TMCC1: variants seen among roughly 807,000 people sequenced by gnomAD.
TMCC1 encodes transmembrane and coiled-coil domain family 1, also known as transmembrane and coiled-coil domains protein 1.
In TMCC1, 15 loss-of-function variants were observed where a neutral mutation model predicts 52.4. That is an observed-to-expected ratio of 0.29 (90% CI 0.19 to 0.44). The LOEUF (loss-of-function observed/expected upper bound fraction) is 0.44. Among genes scored for constraint, TMCC1 ranks in the 20% least tolerant of loss-of-function variants. TMCC1 has a pLI of 1.00. For synonymous variants in TMCC1, 279 were observed against 301.9 expected (o/e 0.92, Z 0.79); for missense variants, 503 against 806.0 (o/e 0.62, Z 4.55).
At position 129,665,968 on chromosome 3, in the gene TMCC1, C is replaced by T. The variant is rs556037146; in HGVS notation, c.1511+4362G>A. On this transcript the variant is annotated intron_variant, in intron 5 of 6. Coordinates refer to ENST00000393238, the MANE Select transcript of TMCC1 (RefSeq NM_001017395.5). ...CCTTGTCACCATCATCATCAAATAA[C>T]AAACAGCAACACTGTGCATGGCCTC... Among the ~76,000 whole-genome samples, 34 of 152,282 alleles carry T rather than the reference C, an allele frequency of 2.2e-4. 1 individual carries two copies. Among genetic ancestry groups the T allele is most frequent in the Admixed American group, 2.2e-3 (33 of 15,294 alleles).
intron 4 of TMCC1, among the ~76,000 whole-genome samples, chr3:129,673,846 TCTACA>T (rs1313327628): frequency 1.3e-5 from 2 of 151,454 alleles, no homozygotes; most frequent in Non-Finnish European, 2.9e-5. Context: ...AAAAAAAATC[TCTACA>T]CTAAACTTTC....
At chr3:129,893,201 G>C (rs551401731) in intron 1 of TMCC1, 1 of 152,460 alleles carries the variant, frequency 6.6e-6, no homozygotes, top group East Asian at 1.9e-4. Flanking sequence ...GGGATGCTGG[G>C]AAGGGAACGA....
At chr3:129,718,960 C>T (rs1224744867) in intron 4 of TMCC1, among the ~76,000 whole-genome samples, 1 of 152,226 alleles carries the variant, frequency 6.6e-6, no homozygotes, top group East Asian at 1.9e-4. Flanking sequence ...CACCCCTAAT[C>T]CCCACTTTGA....
At chr3:129,678,770 A>G (rs2088699564) in intron 4 of TMCC1, among the ~76,000 whole-genome samples, 1 of 152,202 alleles carries the variant, frequency 6.6e-6, no homozygotes, top group African/African-American at 2.4e-5. Flanking sequence ...AAGATCACAA[A>G]TTAAAGAAGT....
chr3:129,848,885 C>T (rs2059786180), intron 2 of TMCC1, among the ~76,000 whole-genome samples: 1 of 151,744 alleles, frequency 6.6e-6, no homozygotes, highest in Non-Finnish European at 1.5e-5. Context: ...AAACATTCTG[C>T]TACTATGGCT....
At chr3:129,702,931 G>A (rs1169960900) in intron 4 of TMCC1, among the ~76,000 whole-genome samples, 3 of 152,140 alleles carry the variant, frequency 2.0e-5, no homozygotes, top group African/African-American at 7.2e-5. Context: ...CAGGAGAATC[G>A]CTTGAACCCG....
chr3:129,755,595 C>T (rs1399178898), intron 4 of TMCC1, among the ~76,000 whole-genome samples: 1 of 152,124 alleles, frequency 6.6e-6, no homozygotes, highest in Non-Finnish European at 1.5e-5. Flanking sequence ...GATCTGAAGA[C>T]ACTTCGTCAT....
intron 4 of TMCC1, among the ~76,000 whole-genome samples, chr3:129,777,374 ATCTATTCT>A (rs1422040056): frequency 6.6e-6 from 1 of 152,344 alleles, no homozygotes; most frequent in East Asian, 1.9e-4. Flanking sequence ...GAAAATCCGT[ATCTATTCT>A]GGAGAATACT....
In TMCC1 at chr3:129,696,228, C is replaced by T. The variant is rs747504241; in HGVS notation, c.577-24964G>A. On this transcript the variant is annotated intron_variant, in intron 4 of 6. Transcript: ENST00000393238. ...GACTTCAAAAGAACCTTGGTCTCCA[C>T]CATCTTTTATCTTAACCTGAACATT... 3.3e-5 allele frequency among the ~76,000 whole-genome samples: 5 copies of T among 152,230 alleles called. No homozygotes were observed. In the East Asian group the frequency reaches 9.6e-4, roughly 29 times the overall value.
chr3:129,716,279 C>A (rs9809555), intron 4 of TMCC1, among the ~76,000 whole-genome samples: 88,662 of 145,052 alleles, frequency 0.61, 33,038 homozygotes, highest in Non-Finnish European at 0.83. Context: ...TCTCCTGCCT[C>A]AGCCTCCTGA....
intron 4 of TMCC1, among the ~76,000 whole-genome samples, chr3:129,731,921 G>A (rs899874247): frequency 2.6e-5 from 4 of 152,096 alleles, no homozygotes; most frequent in Non-Finnish European, 4.4e-5. Flanking sequence ...CACTGTGCCT[G>A]GCTTCCCATA....
At chr3:129,877,614 A>C (rs1320438805) in intron 2 of TMCC1, among the ~76,000 whole-genome samples, 1 of 149,124 alleles carries the variant, frequency 6.7e-6, no homozygotes, top group Non-Finnish European at 1.5e-5. Flanking sequence ...TTTACTCAAC[A>C]TCCCTAAGTC....
chr3:129,659,824 G>A (rs2086904611), intron 5 of TMCC1, among the ~76,000 whole-genome samples: 1 of 152,086 alleles, frequency 6.6e-6, no homozygotes, highest in African/African-American at 2.4e-5. Context: ...GCTCAGTCCA[G>A]GTTTTGGATT....
chr3:129,711,898 A>T (rs2048716754), intron 4 of TMCC1, among the ~76,000 whole-genome samples: 1 of 144,450 alleles, frequency 6.9e-6, no homozygotes, highest in African/African-American at 2.5e-5. Flanking sequence ...GCTACTAAGG[A>T]GGCTGAGGCA....
intron 4 of TMCC1, among the ~76,000 whole-genome samples, chr3:129,823,198 C>A (rs906538431): frequency 6.6e-6 from 1 of 151,820 alleles, no homozygotes; most frequent in South Asian, 2.1e-4. Flanking sequence ...TGGTGATGTG[C>A]GCCTGTAATC....
At chr3:129,817,001 C>G (rs1466945204) in intron 4 of TMCC1, among the ~76,000 whole-genome samples, 1 of 151,962 alleles carries the variant, frequency 6.6e-6, no homozygotes, top group East Asian at 1.9e-4. Context: ...GCACTCCAAC[C>G]TGGGTGACAG....
chr3:129,705,426 T>C (rs946835537), intron 4 of TMCC1, among the ~76,000 whole-genome samples: 1 of 152,086 alleles, frequency 6.6e-6, no homozygotes, highest in African/African-American at 2.4e-5. Context: ...GAGGAGTTGA[T>C]AATTTCCTGG....
At position 129,651,882 on chromosome 3, in the gene TMCC1, C is replaced by T; in HGVS notation, c.1648-87G>A. 1 of 1,369,250 alleles carries T rather than the reference C, an allele frequency of 7.3e-7. No individual in the cohort carries two copies. The highest frequency in any genetic ancestry group is 9.8e-7 in the Non-Finnish European group (1 of 1,016,150). 84.8% of individuals were successfully genotyped at this position (1,369,250 alleles called of 1,614,324 possible). On this transcript the variant is annotated intron_variant, in intron 6 of 6. Transcript: ENST00000393238. This position sits in a 1 kb window ranked among gnomAD's most constrained non-coding sequence, Gnocchi z 5.1. ...TGCCCCCTGGGCAAGCCAGATGCATCTTGAGCAATGCCAATGATTTTATAA... is the reference window on the plus strand; with the variant it reads ...TGCCCCCTGGGCAAGCCAGATGCATTTTGAGCAATGCCAATGATTTTATAA...
At chr3:129,890,852 C>T (rs138394801) in intron 1 of TMCC1, among the ~76,000 whole-genome samples, 179 of 152,284 alleles carry the variant, frequency 1.2e-3, no homozygotes, top group African/African-American at 3.7e-3. Context: ...TTGCCTCATG[C>T]ACTAACTTGA....
Sources: allele counts gnomAD v4.1 joint callset (sites outside exome capture counted in the v4.1 genomes callset), GRCh38; gene constraint gnomAD v4.1.1; non-coding constraint Gnocchi (gnomAD v3.1); transcripts MANE v1.5; gene names NCBI Gene and HGNC (gene_info 2026-07-23, HGNC 2026-07-21).